SETDB1: variants seen among roughly 807,000 people sequenced by gnomAD.
SETDB1 encodes the protein SET domain bifurcated histone lysine methyltransferase 1.
Under a neutral mutation model 137.4 loss-of-function variants are expected in SETDB1, and 31 were observed. That is an observed-to-expected ratio of 0.23 (90% confidence interval 0.17 to 0.30). The LOEUF (loss-of-function observed/expected upper bound fraction) is 0.30, where lower values mean the gene tolerates loss of function less well. Among genes scored for constraint, SETDB1 ranks in the 10% least tolerant of loss-of-function variants. SETDB1 has a pLI of 1.00. For synonymous variants in SETDB1, 548 were observed against 579.9 expected, an observed-to-expected ratio of 0.95 and a Z score of 0.79; for missense variants, 1,113 against 1,631.5, an observed-to-expected ratio of 0.68 and a Z score of 5.47.
intron 9 of SETDB1, among the ~76,000 whole-genome samples, chr1:150,946,273 C>T (rs1332599169): frequency 1.3e-5 from 2 of 152,016 alleles, no homozygotes; most frequent in Non-Finnish European, 2.9e-5. Context: ...TCTGCCTCAT[C>T]CTTTCGACAT....
rs751792294 is a variant in SETDB1 at position 150,949,569 on chromosome 1, G to A, written c.1583+44G>A. On this transcript the variant is annotated intron_variant, in intron 12 of 21. Transcript: ENST00000692827. Reference sequence around the variant, plus strand: ...CTCTGTAGGCAGGATAGCAATGAGTGGTCACTGTGTAGGGGAAGGTTCCTT... The same window carrying A: ...CTCTGTAGGCAGGATAGCAATGAGTAGTCACTGTGTAGGGGAAGGTTCCTT... 5 of 1,582,316 alleles carry A rather than the reference G, an allele frequency of 3.2e-6. No individual in the cohort carries two copies. In the East Asian group the frequency reaches 8.9e-5, roughly 28 times the overall value.
Position 150,962,624 on chromosome 1 carries a change from T to C in SETDB1, c.3199T>C (p.Ser1067Pro), listed in dbSNP as rs1250246962. Residue 1067 changes from serine (S) to proline (P), a missense_variant, in exon 18 of 22, where the codon TCT becomes CCT. Ser to Pro is a moderately conservative substitution (Grantham distance 74). Around this residue, in one of 11 missense-constraint regions of SETDB1, gnomAD observed 373 missense variants for 412.7 expected, o/e 0.90. Coordinates refer to ENST00000692827, the MANE Select transcript of SETDB1 (RefSeq NM_001366418.1). ...CTCTCGAAATTACGGTTACAATCCT[T>C]CTCCTGTGAAGCCTGAAGGACTTCG... ...ESSRNYGYNPSPVKPEGLRRP... is the reference protein window; with the variant it reads ...ESSRNYGYNPPPVKPEGLRRP... 2.7e-5 allele frequency: 44 copies of C among 1,613,824 alleles called. No homozygotes were observed. The highest frequency in any genetic ancestry group is 1.8e-4 in the East Asian group (8 of 44,888).
intron 5 of SETDB1, among the ~76,000 whole-genome samples, chr1:150,942,040 C>T (rs934150015): frequency 7.3e-5 from 11 of 151,114 alleles, no homozygotes; most frequent in African/African-American, 1.9e-4. Flanking sequence ...CTCAGGAGCC[C>T]GAGGCAGGAG....
intron 3 of SETDB1, among the ~76,000 whole-genome samples, chr1:150,936,179 C>T (rs1258918348): frequency 5.3e-5 from 8 of 151,938 alleles, no homozygotes; most frequent in South Asian, 2.1e-4. Flanking sequence ...TTAGTAGAGA[C>T]AGGGTTTCAC....
At chr1:150,957,723 T>C (rs1007432001) in intron 14 of SETDB1, among the ~76,000 whole-genome samples, 1 of 152,150 alleles carries the variant, frequency 6.6e-6, no homozygotes, top group African/African-American at 2.4e-5. Context: ...TTTTCAGAGA[T>C]GGGGTGGACT....
At chr1:150,962,226 T>A in intron 17 of SETDB1, 68 bp downstream of exon 17, 1 of 1,416,482 alleles carries the variant, frequency 7.1e-7, no homozygotes, top group Non-Finnish European at 1.0e-6. Flanking sequence ...TGGAGTGCAG[T>A]GGCGTAATCT....
chr1:150,961,687 C>T, intron 16 of SETDB1: 1 of 172,986 alleles, frequency 5.8e-6, no homozygotes, highest in Admixed American at 5.5e-5. Flanking sequence ...ATCCACTTGC[C>T]TGGTGGTAGA....
At chr1:150,953,984 A>G (rs904947770) in intron 14 of SETDB1, among the ~76,000 whole-genome samples, 4 of 151,654 alleles carry the variant, frequency 2.6e-5, no homozygotes, top group Non-Finnish European at 5.9e-5. Flanking sequence ...CCTCCCGAGA[A>G]GCTGGGACTA....
intron 7 of SETDB1, among the ~76,000 whole-genome samples, chr1:150,943,531 C>T (rs1307864174): frequency 6.6e-6 from 1 of 152,146 alleles, no homozygotes; most frequent in African/African-American, 2.4e-5. Flanking sequence ...CAAAAATTAG[C>T]TGGGTGTGGT....
intron 10 of SETDB1, 95 bp from the exon 11 acceptor site, chr1:150,949,027 C>CT (rs1670417407): frequency 7.8e-7 from 1 of 1,288,136 alleles, no homozygotes; most frequent in Non-Finnish European, 1.1e-6. Context: ...CCATTGCTTC[C>CT]TTTTTATATT....
chr1:150,929,301 C>T (rs763118365), intron 2 of SETDB1, among the ~76,000 whole-genome samples: 4 of 152,102 alleles, frequency 2.6e-5, no homozygotes, highest in East Asian at 1.9e-4. Context: ...TGGTGTGAGA[C>T]GGTATCTCAT....
intron 7 of SETDB1, 60 bp downstream of exon 7, chr1:150,943,113 G>A (rs146250339): frequency 4.9e-6 from 6 of 1,224,680 alleles, no homozygotes; most frequent in East Asian, 4.6e-5. Flanking sequence ...TGCCCTGTTC[G>A]TGCCATAGAC....
At position 150,960,732 on chromosome 1, in the gene SETDB1, T is replaced by C. The variant is rs750724563; in HGVS notation, c.2673T>C (p.Asp891=). The change falls in exon 16 of 22, where the codon GAT becomes GAC. Residue 891 remains aspartate, a synonymous_variant. Coordinates refer to ENST00000692827, the MANE Select transcript of SETDB1 (RefSeq NM_001366418.1). ...GTGTAGACTTGAAGGACCAGGAAGATGGCAACAGCGGTACAGAGGACCCTG... is the reference window on the plus strand; with the variant it reads ...GTGTAGACTTGAAGGACCAGGAAGACGGCAACAGCGGTACAGAGGACCCTG... ...SSGVDLKDQE[D]GNSGTEDPEE... 6.2e-7 allele frequency: 1 copy of C among 1,611,394 alleles called. No homozygotes were observed. The highest frequency in any genetic ancestry group is 2.2e-5 in the East Asian group (1 of 44,860).
intron 10 of SETDB1, among the ~76,000 whole-genome samples, chr1:150,948,269 A>ATT (rs1670387096): frequency 7.5e-6 from 1 of 133,720 alleles, no homozygotes; most frequent in Non-Finnish European, 1.6e-5. Context: ...ACAGAGTAGC[A>ATT]ATTTTTTTTT....
intron 6 of SETDB1, 60 bp downstream of exon 6, chr1:150,942,748 T>A: frequency 1.3e-6 from 2 of 1,599,616 alleles, no homozygotes; most frequent in Non-Finnish European, 1.7e-6. Flanking sequence ...CACTGCTGAT[T>A]GTTTCTTTTC....
At chr1:150,950,410 CAG>C (rs1670462547) in intron 12 of SETDB1, 46 bp from the exon 13 acceptor site, 1 of 1,492,026 alleles carries the variant, frequency 6.7e-7, no homozygotes. Flanking sequence ...AATTATAAAA[CAG>C]AGGTCCTGTT....
At chr1:150,954,048 G>A (rs954675964) in intron 14 of SETDB1, among the ~76,000 whole-genome samples, 1 of 151,952 alleles carries the variant, frequency 6.6e-6, no homozygotes, top group Non-Finnish European at 1.5e-5. Context: ...TAGAGACAGG[G>A]TTTCACCATG....
chr1:150,955,189 A>G (rs953394742), intron 14 of SETDB1, among the ~76,000 whole-genome samples: 3 of 152,242 alleles, frequency 2.0e-5, no homozygotes, highest in African/African-American at 7.2e-5. Context: ...TTTTGAATCT[A>G]ACAATAGCGT....
intron 14 of SETDB1, among the ~76,000 whole-genome samples, chr1:150,957,486 GAACT>G (rs1292518780): frequency 6.6e-6 from 1 of 152,144 alleles, no homozygotes; most frequent in African/African-American, 2.4e-5. Flanking sequence ...CTAAAATCGT[GAACT>G]AACTGAGCTG....
Sources: gnomAD v4.1 joint callset for allele counts (sites outside exome capture counted in the v4.1 genomes callset) on GRCh38, gnomAD v4.1.1 for gene constraint, gnomAD v4.1.1 regional missense constraint, MANE v1.5 for transcripts, NCBI Gene and HGNC (gene_info 2026-07-23, HGNC 2026-07-21) for gene names.